Variants in PCDH10 observed in about 807,000 individuals in gnomAD.
PCDH10 encodes the protein protocadherin 10.
In PCDH10, 15 loss-of-function variants were observed where a neutral mutation model predicts 74.4. That is an observed-to-expected ratio of 0.20 (90% confidence interval 0.13 to 0.31). The LOEUF (loss-of-function observed/expected upper bound fraction) is 0.31, where lower values mean the gene tolerates loss of function less well. Ranked by LOEUF, PCDH10 falls within the 10% of genes least tolerant of loss-of-function variation. PCDH10 has a pLI of 1.00. For missense variants in PCDH10, 1,260 were observed against 1,390.2 expected, an observed-to-expected ratio of 0.91 and a Z score of 1.49; for synonymous variants, 619 against 589.8, an observed-to-expected ratio of 1.05 and a Z score of -0.72.
intron 4 of PCDH10, among the ~76,000 whole-genome samples, chr4:133,171,001 A>G (rs767556470): frequency 6.6e-6 from 1 of 150,486 alleles, no homozygotes; most frequent in Admixed American, 6.6e-5. Flanking sequence ...TAAGGTATTG[A>G]TTGTTAAGTT....
In PCDH10 at chr4:133,191,670, CT is replaced by C. The variant is rs1727672454; in HGVS notation, c.*1513del. The C allele has an allele frequency of 6.6e-6, 1 of 151,720 alleles. No homozygotes were observed. The highest frequency in any genetic ancestry group is 6.6e-5 in the Admixed American group (1 of 15,156). 9.4% of individuals were successfully genotyped at this position (151,720 alleles called of 1,614,324 possible). ...AAAAAATCAGAGAATATAAGATAAT[CT>C]TTCAAGCAAAAAACAGAATTGTCAC... On this transcript the variant is annotated 3_prime_UTR_variant, in exon 5 of 5. Transcript: ENST00000264360.
In PCDH10 at chr4:133,167,743, A is replaced by G. The variant is rs1392059375; in HGVS notation, c.3103+4461A>G. 8.6e-5 allele frequency among the ~76,000 whole-genome samples: 13 copies of G among 151,446 alleles called. 1 individual carries two copies. In the South Asian group the frequency reaches 2.3e-3, roughly 27 times the overall value. On this transcript the variant is annotated intron_variant, in intron 4 of 4. Transcript: ENST00000264360. ...CTTTTATATACATACAGATTGGTGA[A>G]CCTAATTTTCTCACTTTTTCAGTTT...
intron 4 of PCDH10, among the ~76,000 whole-genome samples, chr4:133,169,501 C>T (rs979366597): frequency 2.0e-5 from 3 of 151,834 alleles, no homozygotes; most frequent in Non-Finnish European, 4.4e-5. Flanking sequence ...AGCGTATTAA[C>T]ATTATTTATA....
intron 2 of PCDH10, among the ~76,000 whole-genome samples, chr4:133,202,960 A>G (rs918595193): frequency 6.6e-6 from 1 of 152,194 alleles, no homozygotes; most frequent in East Asian, 1.9e-4. Flanking sequence ...TTTCAGGGAG[A>G]GTATATTAGA....
intron 2 of PCDH10, among the ~76,000 whole-genome samples, chr4:133,200,290 TTGGC>T (rs1727878919): frequency 6.6e-6 from 1 of 151,962 alleles, no homozygotes; most frequent in Non-Finnish European, 1.5e-5. Context: ...ATATATAACT[TTGGC>T]TAGTATATGT....
intron 3 of PCDH10, among the ~76,000 whole-genome samples, chr4:133,161,283 A>G (rs1379215375): frequency 1.3e-5 from 2 of 152,138 alleles, no homozygotes; most frequent in African/African-American, 4.8e-5. Context: ...TAAAATTTTA[A>G]AAAAGTCATT....
intron 3 of PCDH10, among the ~76,000 whole-genome samples, chr4:133,159,191 T>C (rs1726918409): frequency 1.3e-5 from 2 of 152,076 alleles, no homozygotes; most frequent in Non-Finnish European, 2.9e-5. Flanking sequence ...TCACGCAATA[T>C]TGTATTATGA....
chr4:133,199,235 C>A (rs1727852362), downstream of PCDH10, among the ~76,000 whole-genome samples: 1 of 150,676 alleles, frequency 6.6e-6, no homozygotes, highest in South Asian at 2.1e-4. Flanking sequence ...TTGCAGTGAG[C>A]TGAGATTGTG....
chr4:133,159,753 G>T (rs1232838281), intron 3 of PCDH10, among the ~76,000 whole-genome samples: 4 of 151,880 alleles, frequency 2.6e-5, no homozygotes, highest in African/African-American at 9.7e-5. Context: ...TAAGGCATTT[G>T]AATGAGAAAA....
At chr4:133,195,276 A>T (rs913036777), downstream of PCDH10, among the ~76,000 whole-genome samples, 3 of 152,092 alleles carry the variant, frequency 2.0e-5, no homozygotes, top group Non-Finnish European at 4.4e-5. Context: ...AACTGCACGT[A>T]TCTGGACCAA....
Position 133,154,341 on chromosome 4 carries a change from T to C in PCDH10, c.2666T>C (p.Val889Ala). 6.2e-7 allele frequency: 1 copy of C among 1,607,158 alleles called. No homozygotes were observed. The highest frequency in any genetic ancestry group is 2.2e-5 in the East Asian group (1 of 44,704). ...CAGCGAGCAGAGCTCAGCTATCTAG[T>C]TGACAGACCTCGCCGAGTTAACAGG... ...KHQRAELSYL[V>A]DRPRRVNSSA... Residue 889 changes from valine to alanine, a missense_variant, in exon 2 of 5, where the codon GTT (valine) becomes GCT (alanine). Coordinates refer to ENST00000264360, the MANE Select transcript of PCDH10 (RefSeq NM_032961.3).
At chr4:133,177,729 C>T (rs773176384) in intron 4 of PCDH10, among the ~76,000 whole-genome samples, 2 of 151,954 alleles carry the variant, frequency 1.3e-5, no homozygotes, top group Non-Finnish European at 2.9e-5. Context: ...ATCTAATATG[C>T]TTGTGAATGC....
chr4:133,196,395 T>C (rs1182154508), downstream of PCDH10, among the ~76,000 whole-genome samples: 2 of 152,182 alleles, frequency 1.3e-5, no homozygotes, highest in Non-Finnish European at 2.9e-5. Context: ...TGTTAGTTCC[T>C]GGCTGGGGGC....
intron 4 of PCDH10, among the ~76,000 whole-genome samples, chr4:133,177,064 T>C (rs1727310553): frequency 6.6e-6 from 1 of 151,856 alleles, no homozygotes; most frequent in African/African-American, 2.4e-5. Context: ...TAGTGCAAAT[T>C]CTAGCCTTAT....
At position 133,177,944 on chromosome 4, in the gene PCDH10, T is replaced by C. The variant is rs550359290; in HGVS notation, c.3104-12197T>C. Among the ~76,000 whole-genome samples, 157 of 152,228 alleles carry C rather than the reference T, an allele frequency of 1.0e-3. 1 individual carries two copies. Among genetic ancestry groups the C allele is most frequent in the African/African-American group, 3.6e-3 (150 of 41,514 alleles). On this transcript the variant is annotated intron_variant, in intron 4 of 4. Coordinates refer to ENST00000264360, the MANE Select transcript of PCDH10 (RefSeq NM_032961.3). The stretch of plus-strand genomic sequence containing the variant: ...TGCAGAGCTCACTTTGGGGCCACTA[T>C]TTAAGCACTATCTGTGTGATTTTTA...
intron 3 of PCDH10, among the ~76,000 whole-genome samples, chr4:133,157,623 C>T (rs1465684250): frequency 2.6e-5 from 4 of 152,116 alleles, no homozygotes; most frequent in Middle Eastern, 3.4e-3. Context: ...ATAGAGACTC[C>T]GAATTCTCTC....
At chr4:133,204,190 T>C (rs1027504328) in intron 2 of PCDH10, among the ~76,000 whole-genome samples, 1 of 152,218 alleles carries the variant, frequency 6.6e-6, no homozygotes, top group African/African-American at 2.4e-5. Flanking sequence ...TGGCTACCCT[T>C]GCCTGAACGG....
chr4:133,183,059 T>C (rs1169874184), intron 4 of PCDH10, among the ~76,000 whole-genome samples: 1 of 152,118 alleles, frequency 6.6e-6, no homozygotes, highest in Non-Finnish European at 1.5e-5. Context: ...TCTGTGTTTT[T>C]AGATATCTTC....
At chr4:133,170,687 C>T (rs2125866327) in intron 4 of PCDH10, among the ~76,000 whole-genome samples, 1 of 151,828 alleles carries the variant, frequency 6.6e-6, no homozygotes, top group Middle Eastern at 3.4e-3. Context: ...TTAGTGTATT[C>T]TTTTTGTTTT....
Sources: gnomAD v4.1 joint callset for allele counts (sites outside exome capture counted in the v4.1 genomes callset) on GRCh38, gnomAD v4.1.1 for gene constraint, MANE v1.5 for transcripts, NCBI Gene and HGNC (gene_info 2026-07-23, HGNC 2026-07-21) for gene names.